TIMM9: variants seen among roughly 807,000 people sequenced by gnomAD.
The protein encoded by TIMM9 is translocase of inner mitochondrial membrane 9.
TIMM9 carries 10 observed loss-of-function variants against 13.4 expected under a neutral mutation model. The observed-to-expected ratio is 0.75, with a 90% CI of 0.46 to 1.26. TIMM9 has a LOEUF of 1.26. TIMM9 is among the 50% of genes most tolerant of loss of function. The pLI is 0.00. For synonymous variants in TIMM9, 32 were observed against 32.1 expected, an observed-to-expected ratio of 1.00 and a Z score of 0.01; for missense variants, 87 against 100.8, an observed-to-expected ratio of 0.86 and a Z score of 0.58.
chr14:58,422,272 C>T (rs112175508), intron 3 of TIMM9, among the ~76,000 whole-genome samples: 3 of 152,098 alleles, frequency 2.0e-5, no homozygotes, highest in South Asian at 2.1e-4. Context: ...TGCACCACCA[C>T]GCCCAGCTAA....
chr14:58,418,143 T>C (rs10146336), intron 3 of TIMM9, among the ~76,000 whole-genome samples: 39,148 of 152,138 alleles, frequency 0.26, 5,229 homozygotes, highest in East Asian at 0.37. Flanking sequence ...GAAGGGTTTA[T>C]TCCAGGGATG....
intron 3 of TIMM9, among the ~76,000 whole-genome samples, chr14:58,416,058 A>G (rs1156520318): frequency 6.6e-6 from 1 of 151,126 alleles, no homozygotes; most frequent in African/African-American, 2.4e-5. Context: ...CCTACTGAAA[A>G]AAAAAAAAAA....
chr14:58,413,039 A>G (rs1172251403), intron 3 of TIMM9, among the ~76,000 whole-genome samples: 1 of 152,224 alleles, frequency 6.6e-6, no homozygotes, highest in Non-Finnish European at 1.5e-5. Flanking sequence ...TACTCAGTCG[A>G]ATACATCAAA....
Position 58,408,704 on chromosome 14 carries a change from A to C in TIMM9, c.*330T>G, listed in dbSNP as rs924793886. The stretch of plus-strand genomic sequence containing the variant: ...TAATAAAAATTTTTCTATCTCATAC[A>C]TGATCGAACACATAAGTTGCTTTAA... On this transcript the variant is annotated 3_prime_UTR_variant, in exon 6 of 6. Coordinates refer to ENST00000395159, the MANE Select transcript of TIMM9 (RefSeq NM_012460.4). The C allele has an allele frequency of 9.9e-6, 9 of 911,860 alleles. No homozygotes were observed. In the African/African-American group the frequency reaches 1.6e-4, roughly 16 times the overall value. 56.5% of individuals were successfully genotyped at this position (911,860 alleles called of 1,614,324 possible). A position where few individuals can be genotyped will look rare whatever the true frequency, so the allele number is the denominator to read the frequency against.
intron 3 of TIMM9, among the ~76,000 whole-genome samples, chr14:58,421,650 T>C (rs947969891): frequency 1.3e-5 from 2 of 152,198 alleles, no homozygotes; most frequent in African/African-American, 2.4e-5. Context: ...TGCAGCGTGG[T>C]AGATACTGTT....
At chr14:58,418,796 CA>C (rs1166882109) in intron 3 of TIMM9, among the ~76,000 whole-genome samples, 1 of 151,918 alleles carries the variant, frequency 6.6e-6, no homozygotes, top group Non-Finnish European at 1.5e-5. Context: ...CAAAAGAAGG[CA>C]AAGACCTAAA....
chr14:58,426,742 C>T (rs946799376), intron 2 of TIMM9, among the ~76,000 whole-genome samples: 1 of 152,186 alleles, frequency 6.6e-6, no homozygotes, highest in African/African-American at 2.4e-5. Flanking sequence ...AAAGGAGGAT[C>T]TTCCCCCGGG....
chr14:58,419,267 A>G (rs1352017689), intron 3 of TIMM9, among the ~76,000 whole-genome samples: 1 of 152,110 alleles, frequency 6.6e-6, no homozygotes, highest in Non-Finnish European at 1.5e-5. Flanking sequence ...CAACCTGGGC[A>G]ACACAGCGAG....
At chr14:58,416,984 C>A (rs1024222408) in intron 3 of TIMM9, among the ~76,000 whole-genome samples, 1 of 152,038 alleles carries the variant, frequency 6.6e-6, no homozygotes, top group African/African-American at 2.4e-5. Flanking sequence ...GTGGGAGGGA[C>A]CTGGTGGGAG....
chr14:58,414,435 C>G (rs182035849), intron 3 of TIMM9, among the ~76,000 whole-genome samples: 4 of 151,756 alleles, frequency 2.6e-5, no homozygotes, highest in African/African-American at 9.7e-5. Flanking sequence ...TTTTTCTTAT[C>G]CTATAAAATC....
chr14:58,412,215 T>C (rs1410068299), intron 3 of TIMM9: 6 of 356,036 alleles, frequency 1.7e-5, no homozygotes, highest in Non-Finnish European at 3.1e-5. Flanking sequence ...CCATCTTGGC[T>C]CACTGCAACC....
intron 3 of TIMM9, among the ~76,000 whole-genome samples, chr14:58,418,782 C>T (rs912250409): frequency 1.3e-5 from 2 of 151,912 alleles, no homozygotes; most frequent in African/African-American, 4.8e-5. Context: ...CTACCAAATG[C>T]TGACAAAAGA....
chr14:58,425,264 A>T (rs780346239), intron 2 of TIMM9, among the ~76,000 whole-genome samples: 1 of 152,052 alleles, frequency 6.6e-6, no homozygotes, highest in Non-Finnish European at 1.5e-5. Flanking sequence ...CACAAAAATT[A>T]TCTGGGCAGA....
At chr14:58,411,803 CTGGGATTACAGA>C in intron 4 of TIMM9, 92 bp downstream of exon 4, 3 of 1,067,354 alleles carry the variant, frequency 2.8e-6, no homozygotes, top group Non-Finnish European at 4.3e-6. Flanking sequence ...TCCCAACGTG[CTGGGATTACAGA>C]TGTGAGCCAC....
intron 3 of TIMM9, among the ~76,000 whole-genome samples, chr14:58,413,635 T>C (rs2036291208): frequency 6.6e-6 from 1 of 152,222 alleles, no homozygotes; most frequent in African/African-American, 2.4e-5. Context: ...TTAATCTAGA[T>C]ATAAGAATGT....
At chr14:58,419,756 C>G (rs944788697) in intron 3 of TIMM9, among the ~76,000 whole-genome samples, 24 of 150,440 alleles carry the variant, frequency 1.6e-4, no homozygotes. Context: ...AATACACACA[C>G]AAAAAAAATT....
chr14:58,412,636 C>G (rs989167909), intron 3 of TIMM9, among the ~76,000 whole-genome samples: 1 of 152,130 alleles, frequency 6.6e-6, no homozygotes, highest in Non-Finnish European at 1.5e-5. Context: ...TGTGGTGGCT[C>G]ATGCCTGTAA....
intron 5 of TIMM9, 90 bp downstream of exon 5, chr14:58,410,753 A>G (rs547975733): frequency 1.4e-5 from 12 of 869,020 alleles, no homozygotes; most frequent in African/African-American, 1.4e-4. Flanking sequence ...AATTCCTGTA[A>G]TAAGTAGGAA....
intron 4 of TIMM9, among the ~76,000 whole-genome samples, chr14:58,411,405 G>A (rs1440207289): frequency 1.3e-5 from 2 of 151,518 alleles, no homozygotes; most frequent in African/African-American, 2.4e-5. Flanking sequence ...CCAAGATCGT[G>A]CCACTGCACT....
Sources: allele counts gnomAD v4.1 joint callset (sites outside exome capture counted in the v4.1 genomes callset), GRCh38; gene constraint gnomAD v4.1.1; transcripts MANE v1.5; gene names NCBI Gene and HGNC (gene_info 2026-07-23, HGNC 2026-07-21).